Variants in CRB3 observed in about 807,000 individuals in gnomAD.
CRB3 encodes crumbs cell polarity complex component 3, also known as protein crumbs homolog 3.
In CRB3, 4 loss-of-function variants were observed where a neutral mutation model predicts 10.4. The ratio of observed to expected loss-of-function variants is 0.39; its 90% CI spans 0.19 to 0.88. The LOEUF (loss-of-function observed/expected upper bound fraction) is 0.88. Among genes scored for constraint, CRB3 ranks in the 40% least tolerant of loss-of-function variants. The probability of loss-of-function intolerance (pLI) is 0.39; values close to 1 mark genes in which losing one functional copy is unlikely to be tolerated. For missense variants in CRB3, 154 were observed against 160.2 expected, an observed-to-expected ratio of 0.96 and a Z score of 0.21; for synonymous variants, 74 against 73.4, an observed-to-expected ratio of 1.01 and a Z score of -0.04.
chr19:6,465,189 T>C, intron 2 of CRB3: 1 of 319,088 alleles, frequency 3.1e-6, no homozygotes, highest in Non-Finnish European at 5.8e-6. Context: ...AGCCATTCAG[T>C]CTTAGATTTG....
Position 6,466,904 on chromosome 19 carries a change from T to G in CRB3, c.*232T>G. 6.3e-7 allele frequency: 1 copy of G among 1,598,868 alleles called. No homozygotes were observed. On this transcript the variant is annotated 3_prime_UTR_variant, in exon 4 of 4. Transcript: ENST00000600229. This position sits in a 1 kb window ranked among gnomAD's most constrained non-coding sequence, Gnocchi z 4.9. ...CCCCCCTGCTTGCGGAACCAACTTTTCTCTGTGTGTCCAGCAGGCCCCACA... is the reference window on the plus strand; with the variant it reads ...CCCCCCTGCTTGCGGAACCAACTTTGCTCTGTGTGTCCAGCAGGCCCCACA...
In CRB3 at chr19:6,466,718, T is replaced by C. The variant is rs780376457; in HGVS notation, c.*46T>C. ...CACCAACACTGCCCAGGACTGCGGG[T>C]TGCTGGCTTGTACACCGCAGCTGCC... On this transcript the variant is annotated 3_prime_UTR_variant, in exon 4 of 4. Transcript: ENST00000600229. This position sits in a 1 kb window ranked among gnomAD's most constrained non-coding sequence, Gnocchi z 4.9. The C allele has an allele frequency of 6.3e-7, 1 of 1,581,446 alleles. No homozygotes were observed. Among genetic ancestry groups the C allele is most frequent in the Non-Finnish European group, 8.5e-7 (1 of 1,171,140 alleles).
chr19:6,464,920 G>A lies in CRB3; in HGVS notation c.82+137G>A, dbSNP rs1264993280. 1 of 450,504 alleles carries A rather than the reference G, an allele frequency of 2.2e-6. No individual in the cohort carries two copies. The highest frequency in any genetic ancestry group is 3.5e-5 in the East Asian group (1 of 28,228). 27.9% of individuals were successfully genotyped at this position (450,504 alleles called of 1,614,324 possible). On this transcript the variant is annotated intron_variant, in intron 2 of 3. Transcript: ENST00000600229. This position sits in a 1 kb window ranked among gnomAD's most constrained non-coding sequence, Gnocchi z 5.3. The stretch of plus-strand genomic sequence containing the variant: ...GGGAGCGGGGAAGAAATACCTTGGG[G>A]AGGGGTCTACAGGGTTAGGGCTCGG...
chr19:6,464,799 G>A lies in CRB3; in HGVS notation c.82+16G>A. 8.0e-7 allele frequency: 1 copy of A among 1,249,846 alleles called. No homozygotes were observed. 77.4% of individuals were successfully genotyped at this position (1,249,846 alleles called of 1,614,324 possible). Reference sequence around the variant, plus strand: ...TGGGGGCAAAGTAGGTACCAGCTGAGAGCGCTGGGGGGGAGGGGTCTGGAT... The same window carrying A: ...TGGGGGCAAAGTAGGTACCAGCTGAAAGCGCTGGGGGGGAGGGGTCTGGAT... On this transcript the variant is annotated intron_variant, in intron 2 of 3. Coordinates refer to ENST00000600229, the MANE Select transcript of CRB3 (RefSeq NM_139161.5). This position sits in a 1 kb window ranked among gnomAD's most constrained non-coding sequence, Gnocchi z 5.3.
chr19:6,464,803 G>T lies in CRB3; in HGVS notation c.82+20G>T, dbSNP rs1304542090. On this transcript the variant is annotated intron_variant, in intron 2 of 3. Coordinates refer to ENST00000600229, the MANE Select transcript of CRB3 (RefSeq NM_139161.5). This position sits in a 1 kb window ranked among gnomAD's most constrained non-coding sequence, Gnocchi z 5.3. The stretch of plus-strand genomic sequence containing the variant: ...GGCAAAGTAGGTACCAGCTGAGAGC[G>T]CTGGGGGGGAGGGGTCTGGATTCCT... 8.1e-7 allele frequency: 1 copy of T among 1,241,748 alleles called. No homozygotes were observed. The highest frequency in any genetic ancestry group is 1.0e-6 in the Non-Finnish European group (1 of 986,218). 76.9% of individuals were successfully genotyped at this position (1,241,748 alleles called of 1,614,324 possible).
In CRB3 at chr19:6,466,495, G is replaced by A. The variant is rs1377413766; in HGVS notation, c.186G>A (p.Val62=). Residue 62 remains valine, a synonymous_variant, in exon 4 of 4, where the codon GTG becomes GTA. Coordinates refer to ENST00000600229, the MANE Select transcript of CRB3 (RefSeq NM_139161.5). This position sits in a 1 kb window ranked among gnomAD's most constrained non-coding sequence, Gnocchi z 4.9. ...CAGAAGCCATCACTGCTATCATCGT[G>A]GTCTTCTCCCTCTTGGCTGCCTTGC... ...LRPEAITAII[V]VFSLLAALLL... is the part of the protein sequence containing the mutation. 3 of 1,613,784 alleles carry A rather than the reference G, an allele frequency of 1.9e-6. No homozygotes were observed. Among genetic ancestry groups the A allele is most frequent in the Admixed American group, 3.3e-5 (2 of 60,028 alleles).
Position 6,466,560 on chromosome 19 carries a change from G to A in CRB3, c.251G>A (p.Arg84Gln), listed in dbSNP as rs773457852. ...CTGGCACTGTTGGTGCGGAAGCTTC[G>A]GGAGAAGCGGCAGACGGAGGGCACC... ...VGLALLVRKLREKRQTEGTYR... is the reference protein window; with the variant it reads ...VGLALLVRKLQEKRQTEGTYR... Residue 84 changes from arginine to glutamine, a missense_variant, in exon 4 of 4, where the codon CGG (arginine) becomes CAG (glutamine). Arg to Gln is a conservative substitution (Grantham distance 43). Coordinates refer to ENST00000600229, the MANE Select transcript of CRB3 (RefSeq NM_139161.5). This position sits in a 1 kb window ranked among gnomAD's most constrained non-coding sequence, Gnocchi z 4.9. 75 of 1,611,990 alleles carry A rather than the reference G, an allele frequency of 4.7e-5. No individual in the cohort carries two copies. The highest frequency in any genetic ancestry group is 1.0e-4 in the Admixed American group (6 of 60,006).
chr19:6,465,104 GT>G, intron 2 of CRB3: 12 of 311,310 alleles, frequency 3.9e-5, no homozygotes, highest in Non-Finnish European at 5.3e-5. Context: ...TAGTGCAGGT[GT>G]TTTTGGGTGA....
Position 6,464,776 on chromosome 19 carries a change from G to C in CRB3, c.75G>C (p.Trp25Cys). The C allele has an allele frequency of 7.9e-7, 1 of 1,269,094 alleles. No individual in the cohort carries two copies. Among genetic ancestry groups the C allele is most frequent in the Non-Finnish European group, 9.9e-7 (1 of 1,005,480 alleles). The allele number at this position is 1,269,094 out of a possible 1,614,324, so 78.6% of individuals were successfully genotyped here. Residue 25 changes from tryptophan to cysteine, a missense_variant, in exon 2 of 4, where the codon TGG (tryptophan) becomes TGC (cysteine). Physicochemically the swap from Trp to Cys is radical, Grantham distance 215. Coordinates refer to ENST00000600229, the MANE Select transcript of CRB3 (RefSeq NM_139161.5). The surrounding 1 kb of genome is among the most constrained non-coding windows in gnomAD (Gnocchi z 5.3). ...TGCTGGCCCGCTGGGGCCGAGCCTG[G>C]GGGCAAAGTAGGTACCAGCTGAGAG... ...PFLLARWGRA[W>C]GQIQTTSANE...
At position 6,464,956 on chromosome 19, in the gene CRB3, A is replaced by T. The variant is rs2092787325; in HGVS notation, c.82+173A>T. The T allele has an allele frequency of 5.0e-6, 2 of 398,096 alleles. No homozygotes were observed. Among genetic ancestry groups the T allele is most frequent in the Admixed American group, 4.5e-5 (1 of 22,450 alleles). 24.7% of individuals were successfully genotyped at this position (398,096 alleles called of 1,614,324 possible). ...AGGGTTAGGGCTCGGGGGGATTAAGATTTCTAGTTTCTTCCTTGGACACTG... is the reference window on the plus strand; with the variant it reads ...AGGGTTAGGGCTCGGGGGGATTAAGTTTTCTAGTTTCTTCCTTGGACACTG... On this transcript the variant is annotated intron_variant, in intron 2 of 3. Coordinates refer to ENST00000600229, the MANE Select transcript of CRB3 (RefSeq NM_139161.5). The surrounding 1 kb of genome is among the most constrained non-coding windows in gnomAD (Gnocchi z 5.3).
intron 3 of CRB3, among the ~76,000 whole-genome samples, chr19:6,465,897 A>C (rs758668312): frequency 4.6e-5 from 7 of 151,920 alleles, no homozygotes; most frequent in Non-Finnish European, 8.8e-5. Context: ...GACTTGGTAG[A>C]TGTGATGAAA....
In CRB3 at chr19:6,464,711, C is replaced by T. The variant is rs748114958; in HGVS notation, c.10C>T (p.Pro4Ser). Residue 4 changes from proline to serine, a missense_variant, in exon 2 of 4, where the codon CCC becomes TCC. Coordinates refer to ENST00000600229, the MANE Select transcript of CRB3 (RefSeq NM_139161.5). This position sits in a 1 kb window ranked among gnomAD's most constrained non-coding sequence, Gnocchi z 5.3. MAN[P>S]GLGLLLALGL... ...ACCCGCCACCCAGCCCATGGCGAAC[C>T]CCGGGCTGGGGCTGCTTCTGGCGCT... is the stretch of plus-strand genomic sequence containing the variant. The T allele has an allele frequency of 2.5e-5, 31 of 1,241,862 alleles. No homozygotes were observed. Among genetic ancestry groups the T allele is most frequent in the South Asian group, 4.0e-5 (1 of 25,138 alleles). The allele number at this position is 1,241,862 out of a possible 1,614,324, so 76.9% of individuals were successfully genotyped here. A position where few individuals can be genotyped will look rare whatever the true frequency, so the allele number is the denominator to read the frequency against.
chr19:6,467,206 G>A lies in CRB3; in HGVS notation c.*534G>A. 1.9e-6 allele frequency: 1 copy of A among 532,536 alleles called. No individual in the cohort carries two copies. 33.0% of individuals were successfully genotyped at this position (532,536 alleles called of 1,614,324 possible). On this transcript the variant is annotated 3_prime_UTR_variant, in exon 4 of 4. Transcript: ENST00000600229. ...TTTATATATTTATATAAAATTAGTA[G>A]TGAGATGTAACAAAAGCTTTATTGG...
rs1386589605 is a variant in CRB3, at chr19:6,464,415, G to GTCCCT, written c.-95+69_-95+70insTTCCC. ...CCGTCCACCCTGCCCGTCCCGTCCC[G>GTCCCT]TCCCGTCCCGTCCCCTTCCTTTCCC... On this transcript the variant is annotated intron_variant, in intron 1 of 3. Coordinates refer to ENST00000600229, the MANE Select transcript of CRB3 (RefSeq NM_139161.5). This position sits in a 1 kb window ranked among gnomAD's most constrained non-coding sequence, Gnocchi z 5.3. 3.1e-6 allele frequency: 1 copy of GTCCCT among 320,990 alleles called. No homozygotes were observed. Among genetic ancestry groups the GTCCCT allele is most frequent in the African/African-American group, 2.1e-5 (1 of 46,770 alleles). The allele number at this position is 320,990 out of a possible 1,614,324, so 19.9% of individuals were successfully genotyped here. A position where few individuals can be genotyped will look rare whatever the true frequency, so the allele number is the denominator to read the frequency against.
At position 6,466,892 on chromosome 19, in the gene CRB3, G is replaced by A. The variant is rs373669957; in HGVS notation, c.*220G>A. ...GCTCGGGACCCACCCCCCTGCTTGC[G>A]GAACCAACTTTTCTCTGTGTGTCCA... On this transcript the variant is annotated 3_prime_UTR_variant, in exon 4 of 4. Transcript: ENST00000600229. The surrounding 1 kb of genome is among the most constrained non-coding windows in gnomAD (Gnocchi z 4.9). 1.3e-4 allele frequency: 200 copies of A among 1,590,398 alleles called. No homozygotes were observed. In the African/African-American group the frequency reaches 2.0e-3, roughly 16 times the overall value.
chr19:6,464,481 T>C lies in CRB3; in HGVS notation c.-94-127T>C. 2.6e-6 allele frequency: 1 copy of C among 390,034 alleles called. No homozygotes were observed. Among genetic ancestry groups the C allele is most frequent in the Admixed American group, 4.5e-5 (1 of 22,432 alleles). The allele number at this position is 390,034 out of a possible 1,614,324, so 24.2% of individuals were successfully genotyped here. A position where few individuals can be genotyped will look rare whatever the true frequency, so the allele number is the denominator to read the frequency against. On this transcript the variant is annotated intron_variant, in intron 1 of 3. Coordinates refer to ENST00000600229, the MANE Select transcript of CRB3 (RefSeq NM_139161.5). This position sits in a 1 kb window ranked among gnomAD's most constrained non-coding sequence, Gnocchi z 5.3. ...CTCCTGGGAGTTAATCTTTAATCGC[T>C]GACCTCTGGCGGCTGGGGCGGGGCG...
Position 6,466,704 on chromosome 19 carries a change from C to T in CRB3, c.*32C>T. 1 of 1,588,964 alleles carries T rather than the reference C, an allele frequency of 6.3e-7. No homozygotes were observed. The highest frequency in any genetic ancestry group is 1.1e-5 in the South Asian group (1 of 90,124). On this transcript the variant is annotated 3_prime_UTR_variant, in exon 4 of 4. Transcript: ENST00000600229. The surrounding 1 kb of genome is among the most constrained non-coding windows in gnomAD (Gnocchi z 4.9). ...GGGCCTGCTGCAGCCACCAACACTG[C>T]CCAGGACTGCGGGTTGCTGGCTTGT...
chr19:6,466,476 C>T lies in CRB3; in HGVS notation c.167C>T (p.Ala56Val), dbSNP rs1383118950. Residue 56 changes from alanine (A) to valine (V), a missense_variant, in exon 4 of 4, where the codon GCC (alanine) becomes GTC (valine). Coordinates refer to ENST00000600229, the MANE Select transcript of CRB3 (RefSeq NM_139161.5). The surrounding 1 kb of genome is among the most constrained non-coding windows in gnomAD (Gnocchi z 4.9). ...SSSDGNLRPE[A>V]ITAIIVVFSL... ...GTCCCCTCTCTGCAGCGTCCAGAAG[C>T]CATCACTGCTATCATCGTGGTCTTC... 5 of 1,613,584 alleles carry T rather than the reference C, an allele frequency of 3.1e-6. No homozygotes were observed. Among genetic ancestry groups the T allele is most frequent in the African/African-American group, 2.7e-5 (2 of 74,906 alleles).
chr19:6,466,762 G>C lies in CRB3; in HGVS notation c.*90G>C, dbSNP rs1255181224. 1.9e-6 allele frequency: 3 copies of C among 1,552,920 alleles called. No homozygotes were observed. In the South Asian group the frequency reaches 3.6e-5, roughly 18 times the overall value. On this transcript the variant is annotated 3_prime_UTR_variant, in exon 4 of 4. Coordinates refer to ENST00000600229, the MANE Select transcript of CRB3 (RefSeq NM_139161.5). The surrounding 1 kb of genome is among the most constrained non-coding windows in gnomAD (Gnocchi z 4.9). ...AGCTGCCACCGAGACACCAGCCTCT[G>C]ATGGCTCAGGAGGACTTGTGGGGAG...
Sources: allele counts gnomAD v4.1 joint callset (sites outside exome capture counted in the v4.1 genomes callset), GRCh38; gene constraint gnomAD v4.1.1; non-coding constraint Gnocchi (gnomAD v3.1); transcripts MANE v1.5; gene names NCBI Gene and HGNC (gene_info 2026-07-23, HGNC 2026-07-21).